MTMR7: variants seen among roughly 807,000 people sequenced by gnomAD.
MTMR7 encodes phosphatidylinositol-3-phosphate phosphatase MTMR7.
A neutral mutation model predicts 81.2 loss-of-function variants in MTMR7; 76 were observed. The ratio of observed to expected loss-of-function variants is 0.94; its 90% CI spans 0.78 to 1.13. MTMR7 has a LOEUF of 1.13. MTMR7 is among the 50% of genes most tolerant of loss of function. MTMR7 has a pLI of 0.00. For synonymous variants in MTMR7, 372 were observed against 289.8 expected, an observed-to-expected ratio of 1.28 and a Z score of -2.88; for missense variants, 1,044 against 820.0, an observed-to-expected ratio of 1.27 and a Z score of -3.34.
chr8:17,349,171 G>T (rs750423706), intron 4 of MTMR7, 90 bp from the exon 5 acceptor site: 2 of 1,478,506 alleles, frequency 1.4e-6, no homozygotes, highest in Non-Finnish European at 1.9e-6. Flanking sequence ...ACGCTTACAG[G>T]TACATCCTTA....
chr8:17,371,146 T>C lies in MTMR7; in HGVS notation c.201A>G (p.Gly67=). 1 of 1,614,234 alleles carries C rather than the reference T, an allele frequency of 6.2e-7. No homozygotes were observed. Residue 67 remains glycine (G), a synonymous_variant, in exon 3 of 14, where the codon GGA becomes GGG. Coordinates refer to ENST00000180173, the MANE Select transcript of MTMR7 (RefSeq NM_004686.5). ...TCTTGCAGCGAATCAGCAGAGGGCA[T>C]CCGGTAGCGGTTGTTGCCTGTTTCT... ...TIEKQATTAT[G]CPLLIRCKNF... is the part of the protein sequence containing the mutation.
At chr8:17,370,133 T>G (rs1192650199) in intron 3 of MTMR7, among the ~76,000 whole-genome samples, 8 of 152,140 alleles carry the variant, frequency 5.3e-5, no homozygotes, top group South Asian at 2.1e-4. Context: ...ATTAAGTTTT[T>G]TTTTTTTTTT....
At chr8:17,397,324 G>T (rs1444174075) in intron 1 of MTMR7, among the ~76,000 whole-genome samples, 1 of 152,138 alleles carries the variant, frequency 6.6e-6, no homozygotes, top group Non-Finnish European at 1.5e-5. Flanking sequence ...ACCTGCCCTA[G>T]GCTAGAGGGG....
chr8:17,310,666 C>CA (rs1010193525), intron 9 of MTMR7, among the ~76,000 whole-genome samples: 1 of 151,974 alleles, frequency 6.6e-6, no homozygotes, highest in Non-Finnish European at 1.5e-5. Flanking sequence ...CAGACACTTC[C>CA]AAAAAAAGAA....
chr8:17,398,936 G>A (rs1487414306), intron 1 of MTMR7, among the ~76,000 whole-genome samples: 1 of 152,088 alleles, frequency 6.6e-6, no homozygotes. Context: ...GTATTTGCAA[G>A]CCTCTGGTAA....
intron 10 of MTMR7, among the ~76,000 whole-genome samples, chr8:17,308,063 AAT>A (rs957507080): frequency 6.6e-6 from 1 of 151,972 alleles, no homozygotes; most frequent in Non-Finnish European, 1.5e-5. Context: ...ATAAAAATAA[AAT>A]GAGGAAGAAA....
intron 2 of MTMR7, among the ~76,000 whole-genome samples, chr8:17,372,645 G>T (rs1820453122): frequency 6.6e-6 from 1 of 151,804 alleles, no homozygotes; most frequent in African/African-American, 2.4e-5. Flanking sequence ...ATATCTAATG[G>T]TTTCATTAAT....
rs138117392 is a variant in MTMR7 at position 17,391,296 on chromosome 8, C to A, written c.25-18056G>T. ...TGGAAGGTTTACAGGGGGAGGGTGG[C>A]AGGATCTGGGAAAAAATCTTTTAAA... On this transcript the variant is annotated intron_variant, in intron 1 of 13. Coordinates refer to ENST00000180173, the MANE Select transcript of MTMR7 (RefSeq NM_004686.5). 2.6e-5 allele frequency among the ~76,000 whole-genome samples: 4 copies of A among 152,126 alleles called. No individual in the cohort carries two copies. In the East Asian group the frequency reaches 7.7e-4, roughly 29 times the overall value.
intron 7 of MTMR7, among the ~76,000 whole-genome samples, chr8:17,329,813 C>T (rs925522004): frequency 3.3e-5 from 5 of 152,136 alleles, no homozygotes; most frequent in Non-Finnish European, 5.9e-5. Context: ...TGAAGCTGCT[C>T]AAATAATCAT....
intron 1 of MTMR7, among the ~76,000 whole-genome samples, chr8:17,384,808 G>A (rs1367407129): frequency 6.6e-6 from 1 of 152,208 alleles, no homozygotes; most frequent in Admixed American, 6.5e-5. Flanking sequence ...AACGTCAACT[G>A]TTTTTCCAAA....
Position 17,304,473 on chromosome 8 carries a change from G to T in MTMR7, c.1399C>A (p.Arg467=). 6.2e-7 allele frequency: 1 copy of T among 1,613,972 alleles called. No homozygotes were observed. Reference sequence around the variant, plus strand: ...AACAGAGGATTCAGGTAGTCGGCCCGATTCTTCCACAGGTGAGCCCATAAT... The same window carrying T: ...AACAGAGGATTCAGGTAGTCGGCCCTATTCTTCCACAGGTGAGCCCATAAT... ...YSLWAHLWKN[R]ADYLNPLFRA... Residue 467 remains arginine, a synonymous_variant, in exon 12 of 14, where the codon CGG becomes AGG. Coordinates refer to ENST00000180173, the MANE Select transcript of MTMR7 (RefSeq NM_004686.5).
At chr8:17,349,179 T>C (rs1209385598) in intron 4 of MTMR7, 98 bp from the exon 5 acceptor site, 1 of 1,414,874 alleles carries the variant, frequency 7.1e-7, no homozygotes, top group Non-Finnish European at 9.8e-7. Context: ...AGGTACATCC[T>C]TAAGTTCCCT....
At position 17,299,930 on chromosome 8, in the gene MTMR7, C is replaced by T. The variant is rs1310649636; in HGVS notation, c.1915G>A (p.Glu639Lys). The change falls in exon 14 of 14, where the codon GAG becomes AAG. Residue 639 changes from glutamate to lysine, a missense_variant. Glu to Lys is a moderately conservative substitution (Grantham distance 56). Coordinates refer to ENST00000180173, the MANE Select transcript of MTMR7 (RefSeq NM_004686.5). The part of the protein sequence containing the change: ...DLSCRSPSGG[E>K]HAPSEDSGKD... ...CCACTATCTTCACTCGGTGCATGCT[C>T]ACCACCACTTGGAGACCGACAGCTC... 7 of 1,614,182 alleles carry T rather than the reference C, an allele frequency of 4.3e-6. No homozygotes were observed. The highest frequency in any genetic ancestry group is 1.3e-5 in the African/African-American group (1 of 75,052).
chr8:17,335,172 G>C (rs1819192364), intron 6 of MTMR7, among the ~76,000 whole-genome samples: 1 of 152,168 alleles, frequency 6.6e-6, no homozygotes, highest in East Asian at 1.9e-4. Flanking sequence ...AGAGGGATGG[G>C]CACGGAAAAC....
At chr8:17,397,579 A>C (rs1379649566) in intron 1 of MTMR7, among the ~76,000 whole-genome samples, 1 of 152,054 alleles carries the variant, frequency 6.6e-6, no homozygotes, top group Non-Finnish European at 1.5e-5. Context: ...GTACGTTTTT[A>C]AGGATGTTGA....
intron 1 of MTMR7, among the ~76,000 whole-genome samples, chr8:17,401,207 G>C (rs140842251): frequency 6.6e-6 from 1 of 152,098 alleles, no homozygotes; most frequent in Non-Finnish European, 1.5e-5. Flanking sequence ...AGTTAGGATT[G>C]TTATTTTATA....
At chr8:17,321,452 T>C (rs1818384651) in intron 7 of MTMR7, among the ~76,000 whole-genome samples, 1 of 152,156 alleles carries the variant, frequency 6.6e-6, no homozygotes, top group African/African-American at 2.4e-5. Flanking sequence ...ACCCCACCAG[T>C]TTCTCAAGCA....
rs1818434738 is a variant in MTMR7, at chr8:17,322,362, C to T, written c.865+8788G>A. ...TACCAATGGCCTAAAGAAAATCAAG[C>T]AGCAAGTTCATAGAATAATGTGCTA... On this transcript the variant is annotated intron_variant, in intron 7 of 13. Coordinates refer to ENST00000180173, the MANE Select transcript of MTMR7 (RefSeq NM_004686.5). 3.3e-5 allele frequency among the ~76,000 whole-genome samples: 5 copies of T among 152,200 alleles called. No homozygotes were observed. The South Asian group carries it at 1.0e-3, about 32-fold the overall frequency.
rs752434200 is a variant in MTMR7 at position 17,299,947 on chromosome 8, C to G, written c.1898G>C (p.Arg633Pro). 3 of 1,613,986 alleles carry G rather than the reference C, an allele frequency of 1.9e-6. No individual in the cohort carries two copies. The highest frequency in any genetic ancestry group is 2.7e-5 in the African/African-American group (2 of 74,900). The change falls in exon 14 of 14, where the codon CGG (arginine) becomes CCG (proline). Residue 633 changes from arginine (R) to proline (P), a missense_variant. Coordinates refer to ENST00000180173, the MANE Select transcript of MTMR7 (RefSeq NM_004686.5). ...TGCATGCTCACCACCACTTGGAGAC[C>G]GACAGCTCAAATCCTCCACCCCGGA... ...QESGVEDLSC[R>P]SPSGGEHAPS...
Sources: allele counts gnomAD v4.1 joint callset (sites outside exome capture counted in the v4.1 genomes callset), GRCh38; gene constraint gnomAD v4.1.1; transcripts MANE v1.5; gene names NCBI Gene and HGNC (gene_info 2026-07-23, HGNC 2026-07-21).